Variants in RAB2A observed in about 807,000 individuals in gnomAD.
RAB2A encodes the protein RAB2A, member RAS oncogene family.
Under a neutral mutation model 32.5 loss-of-function variants are expected in RAB2A, and 7 were observed. That is an observed-to-expected ratio of 0.22 (90% CI 0.12 to 0.40). The LOEUF is 0.40. Ranked by LOEUF, RAB2A falls within the 10% of genes least tolerant of loss-of-function variation. The pLI, the probability that RAB2A is intolerant of heterozygous loss-of-function variation, is 1.00. For synonymous variants in RAB2A, 79 were observed against 85.2 expected (o/e 0.93, Z 0.40); for missense variants, 108 against 260.7 (o/e 0.41, Z 4.03).
At chr8:60,607,633 A>G (rs1392488377) in intron 6 of RAB2A, among the ~76,000 whole-genome samples, 1 of 152,038 alleles carries the variant, frequency 6.6e-6, no homozygotes, top group African/African-American at 2.4e-5. Flanking sequence ...TACACTTAAG[A>G]ATTCTGTTAA....
chr8:60,587,005 G>A (rs907681696), intron 5 of RAB2A, among the ~76,000 whole-genome samples: 1 of 151,880 alleles, frequency 6.6e-6, no homozygotes, highest in Non-Finnish European at 1.5e-5. Context: ...TTTTTTGGGA[G>A]GGTAGATATT....
intron 3 of RAB2A, among the ~76,000 whole-genome samples, chr8:60,573,928 G>A (rs766634260): frequency 1.2e-4 from 19 of 152,122 alleles, no homozygotes; most frequent in Admixed American, 2.0e-4. Context: ...GACTACAGGC[G>A]TGCACCACCA....
chr8:60,590,256 G>A (rs1416179756), intron 5 of RAB2A, among the ~76,000 whole-genome samples: 6 of 151,658 alleles, frequency 4.0e-5, no homozygotes, highest in South Asian at 2.1e-4. Context: ...CACCGCACCC[G>A]GCCTATTGTT....
intron 3 of RAB2A, among the ~76,000 whole-genome samples, chr8:60,579,615 T>G (rs1200428149): frequency 1.3e-5 from 2 of 148,712 alleles, no homozygotes; most frequent in African/African-American, 5.0e-5. Context: ...AACACAACAT[T>G]TATAATTCCT....
chr8:60,522,468 T>A (rs1807315983), intron 1 of RAB2A, among the ~76,000 whole-genome samples: 1 of 152,064 alleles, frequency 6.6e-6, no homozygotes, highest in Middle Eastern at 3.4e-3. Context: ...ACTGAAAGAG[T>A]TGGTGTTGGT....
intron 6 of RAB2A, among the ~76,000 whole-genome samples, chr8:60,613,629 T>A (rs1804399303): frequency 6.6e-6 from 1 of 152,194 alleles, no homozygotes; most frequent in Non-Finnish European, 1.5e-5. Context: ...TCTAGAGCCC[T>A]CAGTAATTCT....
intron 6 of RAB2A, among the ~76,000 whole-genome samples, chr8:60,595,276 G>A (rs1367844369): frequency 6.6e-6 from 1 of 152,196 alleles, no homozygotes; most frequent in Non-Finnish European, 1.5e-5. Context: ...ACCACTGTCT[G>A]ATGTGATTAT....
intron 1 of RAB2A, among the ~76,000 whole-genome samples, chr8:60,542,727 A>G (rs1235662997): frequency 1.3e-5 from 2 of 152,214 alleles, no homozygotes; most frequent in African/African-American, 4.8e-5. Flanking sequence ...ATCAAGGGAA[A>G]GAGGGTAGAG....
At chr8:60,592,749 A>G (rs1434136129) in intron 6 of RAB2A, among the ~76,000 whole-genome samples, 1 of 152,140 alleles carries the variant, frequency 6.6e-6, no homozygotes, top group Non-Finnish European at 1.5e-5. Flanking sequence ...GTATGTATAT[A>G]CATATTATAA....
At chr8:60,573,327 C>T (rs1808223943) in intron 3 of RAB2A, among the ~76,000 whole-genome samples, 1 of 152,184 alleles carries the variant, frequency 6.6e-6, no homozygotes, top group African/African-American at 2.4e-5. Flanking sequence ...GTCACTCAGT[C>T]TTAGTTTCTC....
At chr8:60,572,302 C>A (rs566509904) in intron 3 of RAB2A, among the ~76,000 whole-genome samples, 189 bp downstream of exon 3, 13 of 152,138 alleles carry the variant, frequency 8.5e-5, no homozygotes, top group South Asian at 8.3e-4. Context: ...TAGATGGGCC[C>A]TGGGTGTTGG....
chr8:60,571,870 A>G (rs1189412194), intron 2 of RAB2A, among the ~76,000 whole-genome samples, 176 bp from the exon 3 acceptor site: 1 of 152,126 alleles, frequency 6.6e-6, no homozygotes, highest in African/African-American at 2.4e-5. Flanking sequence ...CTTATGTCTT[A>G]TTAGCACCTC....
chr8:60,538,437 G>A lies in RAB2A; in HGVS notation c.47-20415G>A, dbSNP rs375400173. Among the ~76,000 whole-genome samples, 12 of 152,308 alleles carry A rather than the reference G, an allele frequency of 7.9e-5. No homozygotes were observed. The South Asian group carries it at 1.5e-3, about 18-fold the overall frequency. ...AATGTAAACAGTCCTTAACTGTAACGTAGAATTAGAGTAATGGGAGAATTG... is the reference window on the plus strand; with the variant it reads ...AATGTAAACAGTCCTTAACTGTAACATAGAATTAGAGTAATGGGAGAATTG... On this transcript the variant is annotated intron_variant, in intron 1 of 7. Transcript: ENST00000262646.
chr8:60,544,228 CAG>C (rs1222083345), intron 1 of RAB2A, among the ~76,000 whole-genome samples: 3 of 151,444 alleles, frequency 2.0e-5, no homozygotes, highest in African/African-American at 4.9e-5. Context: ...TTAGTAGAGA[CAG>C]GGTTTCACCA....
intron 5 of RAB2A, among the ~76,000 whole-genome samples, chr8:60,589,435 A>G (rs1167243117): frequency 1.3e-5 from 2 of 152,216 alleles, no homozygotes; most frequent in Admixed American, 6.5e-5. Context: ...GCAATTTTTG[A>G]ATTAGACGCA....
At chr8:60,602,698 G>T (rs1752583548) in intron 6 of RAB2A, among the ~76,000 whole-genome samples, 1 of 152,164 alleles carries the variant, frequency 6.6e-6, no homozygotes, top group South Asian at 2.1e-4. Flanking sequence ...TTAGATCCAA[G>T]GAGGTAAATG....
chr8:60,592,106 A>T, intron 6 of RAB2A, 137 bp downstream of exon 6: 1 of 503,472 alleles, frequency 2.0e-6, no homozygotes, highest in Middle Eastern at 5.5e-4. Context: ...CTTCCCTTTG[A>T]AATCCCTTGT....
intron 1 of RAB2A, among the ~76,000 whole-genome samples, chr8:60,535,501 TC>T: frequency 6.6e-6 from 1 of 152,344 alleles, no homozygotes; most frequent in East Asian, 1.9e-4. Flanking sequence ...TGAGTGTCTT[TC>T]TGTATCACCA....
At position 60,605,852 on chromosome 8, in the gene RAB2A, T is replaced by TATATATATATATATATATATATATATAA. The variant is rs777621349; in HGVS notation, c.475-12727_475-12726insTATATATATATATATATATATATATAAA. Among the ~76,000 whole-genome samples, 7 of 144,770 alleles carry TATATATATATATATATATATATATATAA rather than the reference T, an allele frequency of 4.8e-5. No individual in the cohort carries two copies. The East Asian group carries it at 8.2e-4, about 17-fold the overall frequency. The allele number at this position is 144,770 out of a possible 152,430, so 95.0% of individuals were successfully genotyped here. On this transcript the variant is annotated intron_variant, in intron 6 of 7. Coordinates refer to ENST00000262646, the MANE Select transcript of RAB2A (RefSeq NM_002865.3). ...TAATACATATATACATATATATATA[T>TATATATATATATATATATATATATATAA]AATGCTTCATTTCAAGCTGGGGGTG...
Sources: gnomAD v4.1 joint callset for allele counts (sites outside exome capture counted in the v4.1 genomes callset) on GRCh38, gnomAD v4.1.1 for gene constraint, MANE v1.5 for transcripts, NCBI Gene and HGNC (gene_info 2026-07-23, HGNC 2026-07-21) for gene names.